The following TENM2 variants were observed in gnomAD, a reference collection of about 807,000 sequenced individuals.
The protein encoded by TENM2 is teneurin transmembrane protein 2, also known as teneurin-2.
Under a neutral mutation model 245.2 loss-of-function variants are expected in TENM2, and 52 were observed. That is an observed-to-expected ratio of 0.21 (90% CI 0.17 to 0.27). The LOEUF (loss-of-function observed/expected upper bound fraction) is 0.27. TENM2 is among the 10% of genes least tolerant of loss of function. The pLI is 1.00. For missense variants in TENM2, 3,046 were observed against 3,666.8 expected (o/e 0.83, Z 4.37); for synonymous variants, 1,363 against 1,438.9 (o/e 0.95, Z 1.19).
intron 3 of TENM2, among the ~76,000 whole-genome samples, chr5:167,913,979 A>C (rs1414412984): frequency 6.6e-6 from 1 of 152,230 alleles, no homozygotes; most frequent in Non-Finnish European, 1.5e-5. Flanking sequence ...GTGAGCAATC[A>C]ATAAATGTTA....
intron 3 of TENM2, among the ~76,000 whole-genome samples, chr5:167,902,488 C>T (rs935136670): frequency 6.6e-6 from 1 of 152,076 alleles, no homozygotes; most frequent in Non-Finnish European, 1.5e-5. Context: ...CTTCTGCCTC[C>T]GCGACACAGA....
chr5:167,468,838 T>A (rs1438438685), intron 2 of TENM2, among the ~76,000 whole-genome samples: 1 of 152,194 alleles, frequency 6.6e-6, no homozygotes, highest in African/African-American at 2.4e-5. Context: ...AGTTTTAACA[T>A]GTGATATGCA....
the TENM2 span, among the ~76,000 whole-genome samples, chr5:167,018,199 TA>T: frequency 5.3e-5 from 8 of 152,198 alleles, no homozygotes; most frequent in Admixed American, 5.2e-4. Context: ...CAATTTCCCC[TA>T]AAATGATATA....
At chr5:167,106,690 G>T in the TENM2 span, among the ~76,000 whole-genome samples, 7 of 151,954 alleles carry the variant, frequency 4.6e-5, no homozygotes, top group Non-Finnish European at 8.8e-5. Context: ...GTGCACTTTG[G>T]TGCACAAGTG....
At chr5:167,033,282 G>A in the TENM2 span, among the ~76,000 whole-genome samples, 1 of 152,286 alleles carries the variant, frequency 6.6e-6, no homozygotes, top group South Asian at 2.1e-4. Context: ...AAAACAATGC[G>A]ATTCACATCA....
chr5:167,093,760 G>A, the TENM2 span, among the ~76,000 whole-genome samples: 43 of 152,290 alleles, frequency 2.8e-4, no homozygotes, highest in African/African-American at 9.9e-4. Context: ...AGAAGGAAGA[G>A]GATTTGGGTA....
intron 2 of TENM2, among the ~76,000 whole-genome samples, chr5:167,590,545 T>C (rs917581738): frequency 4.6e-5 from 7 of 152,090 alleles, no homozygotes; most frequent in Non-Finnish European, 1.0e-4. Flanking sequence ...AAGCTTAATG[T>C]AATAGAAGAA....
intron 2 of TENM2, among the ~76,000 whole-genome samples, chr5:167,394,660 C>T (rs1761954610): frequency 6.6e-6 from 1 of 151,940 alleles, no homozygotes; most frequent in African/African-American, 2.4e-5. Flanking sequence ...GTGGTGTGAT[C>T]TCGGCTTAGG....
At chr5:167,661,811 C>T (rs1439828756) in intron 2 of TENM2, among the ~76,000 whole-genome samples, 1 of 151,560 alleles carries the variant, frequency 6.6e-6, no homozygotes, top group African/African-American at 2.4e-5. Flanking sequence ...CTCCCTCTGG[C>T]TTAGATGGAT....
rs371240395 is a variant in TENM2, at chr5:167,796,364, ATGCTCTCTGGTTCCAGATGCACTGACT to A, written c.503-79612_503-79586del. On this transcript the variant is annotated intron_variant, in intron 2 of 28. Coordinates refer to ENST00000518659, the Ensembl canonical transcript of TENM2. ...GCAGCTTTAACTCAATCTTCTCTCC[ATGCTCTCTGGTTCCAGATGCACTGACT>A]TGCTCTCTGTTTCTGCAAATCGCTG... Among the ~76,000 whole-genome samples the A allele has an allele frequency of 6.4e-3, 970 of 152,248 alleles. 7 individuals are homozygous for A. Among genetic ancestry groups the A allele is most frequent in the African/African-American group, 0.022 (924 of 41,540 alleles).
At chr5:168,194,107 A>G (rs1393335794) in intron 14 of TENM2, among the ~76,000 whole-genome samples, 2 of 152,208 alleles carry the variant, frequency 1.3e-5, no homozygotes, top group South Asian at 2.1e-4. Flanking sequence ...GACTTTGACA[A>G]GATTGTGACA....
intron 3 of TENM2, among the ~76,000 whole-genome samples, chr5:167,912,302 G>A (rs1043592044): frequency 6.6e-6 from 1 of 152,176 alleles, no homozygotes; most frequent in Non-Finnish European, 1.5e-5. Context: ...CCAGGTTCAG[G>A]CTTACTGTCA....
At chr5:167,652,551 A>G (rs537457859) in intron 2 of TENM2, among the ~76,000 whole-genome samples, 4 of 151,688 alleles carry the variant, frequency 2.6e-5, no homozygotes, top group Non-Finnish European at 5.9e-5. Flanking sequence ...TCTGGTCAGT[A>G]TGTCAAAGCT....
At chr5:167,415,202 G>A (rs1417990092) in intron 2 of TENM2, among the ~76,000 whole-genome samples, 1 of 152,056 alleles carries the variant, frequency 6.6e-6, no homozygotes, top group Non-Finnish European at 1.5e-5. Context: ...CTGTAGGATA[G>A]GTAAGTCCCT....
the TENM2 span, among the ~76,000 whole-genome samples, chr5:167,248,590 T>G: frequency 6.6e-6 from 1 of 152,100 alleles, no homozygotes; most frequent in East Asian, 1.9e-4. Context: ...TCCATGACTT[T>G]TCGTGAATAT....
chr5:167,027,149 C>T, the TENM2 span, among the ~76,000 whole-genome samples: 2 of 152,094 alleles, frequency 1.3e-5, no homozygotes, highest in African/African-American at 4.8e-5. Context: ...ATGATTTTAT[C>T]CTTTGTAACC....
chr5:167,281,791 G>A (rs912070067), upstream of TENM2, among the ~76,000 whole-genome samples: 1 of 152,092 alleles, frequency 6.6e-6, no homozygotes, highest in African/African-American at 2.4e-5. Flanking sequence ...CTGAGGTCAG[G>A]AGTTCAAGAC....
chr5:167,288,570 A>G (rs995486692), intron 1 of TENM2, among the ~76,000 whole-genome samples: 1 of 151,974 alleles, frequency 6.6e-6, no homozygotes, highest in Non-Finnish European at 1.5e-5. Flanking sequence ...AAAAAAAAAA[A>G]AAAAGAAAAA....
At chr5:167,610,976 C>T (rs574848309) in intron 2 of TENM2, among the ~76,000 whole-genome samples, 1 of 152,188 alleles carries the variant, frequency 6.6e-6, no homozygotes, top group Admixed American at 6.5e-5. Flanking sequence ...TAGACTAAGC[C>T]CTGGGAAAAC....
Sources: gnomAD v4.1 joint callset for allele counts (sites outside exome capture counted in the v4.1 genomes callset) on GRCh38, gnomAD v4.1.1 for gene constraint, MANE v1.5 for transcripts, NCBI Gene and HGNC (gene_info 2026-07-23, HGNC 2026-07-21) for gene names.